Variants in ITGAM observed in about 807,000 individuals in gnomAD.
The protein encoded by ITGAM is integrin alpha-M.
A neutral mutation model predicts 137.5 loss-of-function variants in ITGAM; 79 were observed. The observed-to-expected ratio is 0.57, with a 90% CI of 0.48 to 0.69. ITGAM has a LOEUF of 0.69. Among genes scored for constraint, ITGAM ranks in the 30% least tolerant of loss-of-function variants. ITGAM has a pLI of 0.00. For missense variants in ITGAM, 1,343 were observed against 1,483.5 expected (o/e 0.91, Z 1.56); for synonymous variants, 583 against 592.3 (o/e 0.98, Z 0.23).
At chr16:31,288,304 T>C (rs913646688) in intron 12 of ITGAM, among the ~76,000 whole-genome samples, 3 of 152,144 alleles carry the variant, frequency 2.0e-5, no homozygotes, top group African/African-American at 7.2e-5. Flanking sequence ...GACAAGCTGA[T>C]CCTGAAGTCC....
rs772574288 is a variant in ITGAM, at chr16:31,328,225, C to T, written c.2787C>T (p.Val929=). Residue 929 remains valine (V), a synonymous_variant, in exon 23 of 30, where the codon GTC becomes GTT. Coordinates refer to ENST00000544665, the MANE Select transcript of ITGAM (RefSeq NM_000632.4). ...LPVKYAVYMV[V]TSHGVSTKYL... Reference sequence around the variant, plus strand: ...TGAAATATGCTGTCTACATGGTGGTCACCAGGTGCTGGCTTCCAGGACTTT... The same window carrying T: ...TGAAATATGCTGTCTACATGGTGGTTACCAGGTGCTGGCTTCCAGGACTTT... The T allele has an allele frequency of 5.6e-6, 9 of 1,613,698 alleles. No homozygotes were observed. In the South Asian group the frequency reaches 9.9e-5, roughly 18 times the overall value.
chr16:31,294,905 T>C (rs1227480357), intron 12 of ITGAM, among the ~76,000 whole-genome samples: 14 of 152,184 alleles, frequency 9.2e-5, no homozygotes, highest in Admixed American at 9.2e-4. Context: ...TTGTATATGG[T>C]TTGGGATAAA....
Position 31,331,620 on chromosome 16 carries a change from C to G in ITGAM, c.3388-16C>G. The G allele has an allele frequency of 4.4e-6, 7 of 1,599,800 alleles. No homozygotes were observed. The highest frequency in any genetic ancestry group is 5.1e-6 in the Non-Finnish European group (6 of 1,173,384). On this transcript the variant is annotated splice_polypyrimidine_tract_variant and intron_variant, in intron 29 of 29. Coordinates refer to ENST00000544665, the MANE Select transcript of ITGAM (RefSeq NM_000632.4). Reference sequence around the variant, plus strand: ...CCTGGCTGCTGTCGCTCTCACTGCCCTCCTCTGCCCCGCAGCTCGGCTTCT... The same window carrying G: ...CCTGGCTGCTGTCGCTCTCACTGCCGTCCTCTGCCCCGCAGCTCGGCTTCT...
At chr16:31,274,363 C>T (rs970422405) in intron 8 of ITGAM, among the ~76,000 whole-genome samples, 2 of 152,152 alleles carry the variant, frequency 1.3e-5, no homozygotes, top group African/African-American at 4.8e-5. Context: ...CTGGTCTGGG[C>T]CCAAGGGTCC....
chr16:31,268,033 G>A (rs955525628), intron 5 of ITGAM, among the ~76,000 whole-genome samples: 2 of 152,048 alleles, frequency 1.3e-5, no homozygotes, highest in Non-Finnish European at 2.9e-5. Flanking sequence ...ATCTGTATCT[G>A]AAAAGCAATC....
chr16:31,329,837 G>A lies in ITGAM; in HGVS notation c.2908G>A (p.Val970Met), dbSNP rs1238630933. The change falls in exon 25 of 30, where the codon GTG (valine) becomes ATG (methionine). Residue 970 changes from valine (V) to methionine (M), a missense_variant. Coordinates refer to ENST00000544665, the MANE Select transcript of ITGAM (RefSeq NM_000632.4). Reference protein sequence around the residue: ...LGQRSLPISLVFLVPVRLNQT... With the variant: ...LGQRSLPISLMFLVPVRLNQT... ...GCAGAGGAGCCTCCCCATCAGCCTG[G>A]TGTTCTTGGTGCCCGTCCGGCTGAA... The A allele has an allele frequency of 1.3e-6, 2 of 1,562,698 alleles. No homozygotes were observed. The highest frequency in any genetic ancestry group is 1.7e-6 in the Non-Finnish European group (2 of 1,153,362).
At chr16:31,327,406 T>C (rs1298759767) in intron 22 of ITGAM, among the ~76,000 whole-genome samples, 1 of 146,348 alleles carries the variant, frequency 6.8e-6, no homozygotes, top group Non-Finnish European at 1.5e-5. Context: ...GGACAACATA[T>C]CAATACCCTG....
chr16:31,273,652 C>A, intron 8 of ITGAM, 134 bp downstream of exon 8: 1 of 803,154 alleles, frequency 1.2e-6, no homozygotes. Flanking sequence ...ACCGTATCAG[C>A]TATCTGTTGC....
chr16:31,320,162 G>T (rs2080434325), intron 14 of ITGAM, among the ~76,000 whole-genome samples: 1 of 151,996 alleles, frequency 6.6e-6, no homozygotes, highest in Non-Finnish European at 1.5e-5. Context: ...TTTCTTTGTG[G>T]TTTCCACAAA....
Position 31,325,406 on chromosome 16 carries a change from T to C in ITGAM, c.2505+2T>C, listed in dbSNP as rs1296360331. ...TACCGGAAGGTGTCCACGCTCCAGG[T>C]AGCCACATCCTTCTCAGGCTCTATC... is the stretch of plus-strand genomic sequence containing the variant. On this transcript the variant is annotated splice_donor_variant, in intron 20 of 29. Transcript: ENST00000544665. LOFTEE classifies it high-confidence loss of function. 4 of 1,612,686 alleles carry C rather than the reference T, an allele frequency of 2.5e-6. No homozygotes were observed. Among genetic ancestry groups the C allele is most frequent in the African/African-American group, 1.3e-5 (1 of 74,930 alleles).
intron 14 of ITGAM, among the ~76,000 whole-genome samples, chr16:31,302,507 T>C (rs973647612): frequency 6.7e-6 from 1 of 149,554 alleles, no homozygotes; most frequent in African/African-American, 2.5e-5. Flanking sequence ...TCTTTCTTTC[T>C]TTCTTTTTTT....
At chr16:31,270,536 CAG>C (rs1331037543) in intron 5 of ITGAM, among the ~76,000 whole-genome samples, 1 of 148,184 alleles carries the variant, frequency 6.7e-6, no homozygotes, top group Non-Finnish European at 1.5e-5. Flanking sequence ...TTTTAAGAGA[CAG>C]GGTCTTTCTC....
chr16:31,289,094 G>A (rs2080059674), intron 12 of ITGAM, among the ~76,000 whole-genome samples: 1 of 150,378 alleles, frequency 6.6e-6, no homozygotes, highest in Non-Finnish European at 1.5e-5. Flanking sequence ...TCATTAAAAA[G>A]TCAGGAAACA....
In ITGAM at chr16:31,326,896, C is replaced by T; in HGVS notation, c.2669C>T (p.Ser890Phe). 6.2e-7 allele frequency: 1 copy of T among 1,613,564 alleles called. No homozygotes were observed. The highest frequency in any genetic ancestry group is 8.5e-7 in the Non-Finnish European group (1 of 1,179,458). ...ACGTTTGATGTAGACTCTAAGGCTT[C>T]CCTTGGAAACAAACTGCTCCTCAAG... is the stretch of plus-strand genomic sequence containing the variant. ...NITFDVDSKA[S>F]LGNKLLLKAN... Residue 890 changes from serine (S) to phenylalanine (F), a missense_variant, in exon 22 of 30, where the codon TCC becomes TTC. Transcript: ENST00000544665.
At chr16:31,322,008 C>T (rs915697274) in intron 16 of ITGAM, among the ~76,000 whole-genome samples, 2 of 152,206 alleles carry the variant, frequency 1.3e-5, no homozygotes, top group African/African-American at 4.8e-5. Context: ...GTGACTTCTT[C>T]CCTTGTTCCT....
intron 5 of ITGAM, among the ~76,000 whole-genome samples, chr16:31,270,608 G>A (rs944839119): frequency 6.8e-6 from 1 of 147,958 alleles, no homozygotes; most frequent in African/African-American, 2.5e-5. Flanking sequence ...CAACCTTTTG[G>A]GCTGAAGTGA....
chr16:31,328,282 CTGAT>C (rs2080529837), intron 23 of ITGAM, 52 bp downstream of exon 23: 14 of 1,360,982 alleles, frequency 1.0e-5, no homozygotes, highest in Non-Finnish European at 1.4e-5. Context: ...CTGGACATGG[CTGAT>C]TGTGCATCTG....
At position 31,297,774 on chromosome 16, in the gene ITGAM, C is replaced by G. The variant is rs1167420232; in HGVS notation, c.1527C>G (p.Leu509=). 1 of 1,603,176 alleles carries G rather than the reference C, an allele frequency of 6.2e-7. No individual in the cohort carries two copies. The change falls in exon 14 of 30, where the codon CTC becomes CTG. Residue 509 remains leucine, a synonymous_variant. Coordinates refer to ENST00000544665, the MANE Select transcript of ITGAM (RefSeq NM_000632.4). ...GRARWQCDAV[L]YGEQGQPWGR... The stretch of plus-strand genomic sequence containing the variant: ...CTCGGTGGCAGTGTGATGCTGTTCT[C>G]TACGGGGAGCAGGGCCAACCCTGGG...
chr16:31,332,012 CGA>C lies in ITGAM; in HGVS notation c.*307_*308del. On this transcript the variant is annotated 3_prime_UTR_variant, in exon 30 of 30. Coordinates refer to ENST00000544665, the MANE Select transcript of ITGAM (RefSeq NM_000632.4). ...GTGTGTGCAAGTGTGTGCATGTGTG[CGA>C]GTGTGTGCATGTGTGTGCTCAGGGG... 1 of 413,898 alleles carries C rather than the reference CGA, an allele frequency of 2.4e-6. No homozygotes were observed. The highest frequency in any genetic ancestry group is 3.4e-5 in the South Asian group (1 of 29,190). 25.6% of individuals were successfully genotyped at this position (413,898 alleles called of 1,614,324 possible).
Sources: allele counts gnomAD v4.1 joint callset (sites outside exome capture counted in the v4.1 genomes callset), GRCh38; gene constraint gnomAD v4.1.1; transcripts MANE v1.5; gene names NCBI Gene and HGNC (gene_info 2026-07-23, HGNC 2026-07-21).